Variants in ADAMTS1 observed in about 807,000 individuals in gnomAD.
ADAMTS1 encodes ADAM metallopeptidase with thrombospondin type 1 motif 1, also known as A disintegrin and metalloproteinase with thrombospondin motifs 1.
Under a neutral mutation model 87.9 loss-of-function variants are expected in ADAMTS1, and 19 were observed. The ratio of observed to expected loss-of-function variants is 0.22; its 90% CI spans 0.15 to 0.32. The LOEUF (loss-of-function observed/expected upper bound fraction) is 0.32. Ranked by LOEUF, ADAMTS1 falls within the 10% of genes least tolerant of loss-of-function variation. The probability of loss-of-function intolerance (pLI) is 1.00; values close to 1 mark genes in which losing one functional copy is unlikely to be tolerated. For synonymous variants in ADAMTS1, 542 were observed against 501.8 expected, an observed-to-expected ratio of 1.08 and a Z score of -1.07; for missense variants, 1,240 against 1,259.1, an observed-to-expected ratio of 0.98 and a Z score of 0.23.
At position 26,842,383 on chromosome 21, in the gene ADAMTS1, G is replaced by A. The variant is rs773057632; in HGVS notation, c.1033C>T (p.Arg345Trp). 38 of 1,613,970 alleles carry A rather than the reference G, an allele frequency of 2.4e-5. No homozygotes were observed. The East Asian group carries it at 6.5e-4, about 27-fold the overall frequency. Residue 345 changes from arginine to tryptophan, a missense_variant, in exon 2 of 9, where the codon CGG becomes TGG. Arg to Trp is a moderately radical substitution (Grantham distance 101, BLOSUM62 -3). Around this residue, in one of 3 missense-constraint regions of ADAMTS1, gnomAD observed 317 missense variants for 410.3 expected, o/e 0.77. Coordinates refer to ENST00000284984, the MANE Select transcript of ADAMTS1 (RefSeq NM_006988.5). ...GCTGTGTCATAGTGCTCTGCATCCC[G>A]GTCACTGGGTGGGTTGTGCTGCTTC... ...WQKQHNPPSD[R>W]DAEHYDTAIL...
Position 26,840,026 on chromosome 21 carries a change from A to G in ADAMTS1, c.1701T>C (p.Pro567=), listed in dbSNP as rs200740219. ...PFHGSWGMWG[P]WGDCSRTCGG... Reference sequence around the variant, plus strand: ...CGCACGTTCTCGAACAGTCTCCCCAAGGCCCCCACATTCCCCAGCTTCCAT... The same window carrying G: ...CGCACGTTCTCGAACAGTCTCCCCAGGGCCCCCACATTCCCCAGCTTCCAT... The change falls in exon 6 of 9, where the codon CCT becomes CCC. Residue 567 remains proline (P), a synonymous_variant. Coordinates refer to ENST00000284984, the MANE Select transcript of ADAMTS1 (RefSeq NM_006988.5). The G allele has an allele frequency of 1.6e-5, 26 of 1,613,840 alleles. No homozygotes were observed. In the East Asian group the frequency reaches 4.2e-4, roughly 26 times the overall value.
intron 2 of ADAMTS1, 97 bp downstream of exon 2, chr21:26,842,242 C>A: frequency 7.9e-7 from 1 of 1,264,432 alleles, no homozygotes; most frequent in African/African-American, 1.5e-5. Context: ...AAAAGGTTAA[C>A]TGCAAAAACA....
chr21:26,840,965 T>C, intron 4 of ADAMTS1, 33 bp downstream of exon 4: 2 of 1,590,448 alleles, frequency 1.3e-6, no homozygotes, highest in Non-Finnish European at 8.6e-7. Flanking sequence ...AAAGGTTGGA[T>C]GCCATCTAGA....
At chr21:26,843,991 A>G (rs1045673257) in intron 1 of ADAMTS1, among the ~76,000 whole-genome samples, 1 of 152,232 alleles carries the variant, frequency 6.6e-6, no homozygotes, top group Non-Finnish European at 1.5e-5. Context: ...AGTTTGCAGA[A>G]AATCGTTTGT....
In ADAMTS1 at chr21:26,839,906, G is replaced by T. The variant is rs1985455027; in HGVS notation, c.1821C>A (p.Ser607=). ...YCEGKRVRYR[S]CNLEDCPDNN... is the part of the protein sequence containing the mutation. ...TGTCTGGACAGTCCTCAAGGTTACA[G>T]GATCTGTAGCGCACTCGTTTGCCTT... The change falls in exon 6 of 9, where the codon TCC becomes TCA. Residue 607 remains serine (S), a synonymous_variant. Coordinates refer to ENST00000284984, the MANE Select transcript of ADAMTS1 (RefSeq NM_006988.5). 6.2e-7 allele frequency: 1 copy of T among 1,613,878 alleles called. No individual in the cohort carries two copies. Among genetic ancestry groups the T allele is most frequent in the Non-Finnish European group, 8.5e-7 (1 of 1,180,030 alleles).
At chr21:26,842,725 C>T in intron 1 of ADAMTS1, 40 bp from the exon 2 acceptor site, 1 of 1,553,664 alleles carries the variant, frequency 6.4e-7, no homozygotes, top group Non-Finnish European at 8.7e-7. Flanking sequence ...GTCAGGCTGT[C>T]CAAGAATAGT....
intron 1 of ADAMTS1, chr21:26,843,437 GC>G (rs1323009825): frequency 2.1e-6 from 1 of 467,396 alleles, no homozygotes; most frequent in Non-Finnish European, 4.4e-6. Flanking sequence ...AAAATGACAC[GC>G]GAGAGAGTTA....
Position 26,844,725 on chromosome 21 carries a change from C to A in ADAMTS1, c.230G>T (p.Arg77Leu). The change falls in exon 1 of 9, where the codon CGC (arginine) becomes CTC (leucine). Residue 77 changes from arginine (R) to leucine (L), a missense_variant. This residue lies in a region of ADAMTS1 where 521 missense variants were observed against 449.7 expected (regional missense o/e 1.16). Transcript: ENST00000284984. ...RAPGHGTTRL[R>L]LHAFDQQLDL... ...CAGCTGCTGGTCAAAGGCGTGCAGG[C>A]GGAGGCGCGTGGTCCCGTGTCCCGG... 1 of 1,578,482 alleles carries A rather than the reference C, an allele frequency of 6.3e-7. No homozygotes were observed. The highest frequency in any genetic ancestry group is 1.1e-5 in the South Asian group (1 of 87,048).
At position 26,844,338 on chromosome 21, in the gene ADAMTS1, CG is replaced by C; in HGVS notation, c.616del (p.Arg206GlyfsTer34). 6.2e-7 allele frequency: 1 copy of C among 1,605,330 alleles called. No homozygotes were observed. The highest frequency in any genetic ancestry group is 1.3e-5 in the African/African-American group (1 of 74,842). On this transcript the variant is annotated frameshift_variant, in exon 1 of 9. Coordinates refer to ENST00000284984, the MANE Select transcript of ADAMTS1 (RefSeq NM_006988.5). LOFTEE classifies it high-confidence loss of function. ...TTCGGTCTCCGCTTTCCCAGTCGGC[CG>C]GGGCTCGTCGTCCACGACCCCGCAC... ...GTCGVVDDEP[R>X]PTGKAETEDE...
intron 4 of ADAMTS1, 41 bp from the exon 5 acceptor site, chr21:26,840,603 G>A: frequency 1.3e-6 from 2 of 1,595,868 alleles, no homozygotes; most frequent in Admixed American, 3.4e-5. Context: ...CAGAGTTAGT[G>A]AGGGCATGAA....
In ADAMTS1 at chr21:26,836,417, A is replaced by G. The variant is rs530609474; in HGVS notation, c.*1162T>C. On this transcript the variant is annotated 3_prime_UTR_variant, in exon 9 of 9. Transcript: ENST00000284984. ...ATAAATGTATAAAAATAAATATGTT[A>G]TTATAGGCATTTATTACTAACTATA... 1.7e-4 allele frequency: 26 copies of G among 152,746 alleles called. No homozygotes were observed. Among genetic ancestry groups the G allele is most frequent in the Admixed American group, 3.9e-4 (6 of 15,300 alleles). 9.5% of individuals were successfully genotyped at this position (152,746 alleles called of 1,614,324 possible).
Position 26,841,023 on chromosome 21 carries a change from A to T in ADAMTS1, c.1353T>A (p.Ile451=). 1 of 1,614,212 alleles carries T rather than the reference A, an allele frequency of 6.2e-7. No individual in the cohort carries two copies. Among genetic ancestry groups the T allele is most frequent in the Non-Finnish European group, 8.5e-7 (1 of 1,180,024 alleles). Reference sequence around the variant, plus strand: ...CATGACCATTATCCAGAAATGATGTAATCATGTAGGCACTGCAAGGAGACC... The same window carrying T: ...CATGACCATTATCCAGAAATGATGTTATCATGTAGGCACTGCAAGGAGACC... The part of the protein sequence containing the change: ...QPWSPCSAYM[I]TSFLDNGHGE... Residue 451 remains isoleucine, a synonymous_variant, in exon 4 of 9, where the codon ATT becomes ATA. Coordinates refer to ENST00000284984, the MANE Select transcript of ADAMTS1 (RefSeq NM_006988.5).
chr21:26,836,116 A>ACAT lies in ADAMTS1; in HGVS notation c.*1460_*1462dup, dbSNP rs1312426486. ...CATGTATACCAAGGATATAAGAAAT[A>ACAT]CATCTCATTAGAAAAAAATCTTCTA... On this transcript the variant is annotated 3_prime_UTR_variant, in exon 9 of 9. Transcript: ENST00000284984. The ACAT allele has an allele frequency of 2.6e-5, 4 of 152,380 alleles. No homozygotes were observed. The highest frequency in any genetic ancestry group is 4.4e-5 in the Non-Finnish European group (3 of 68,040). 9.4% of individuals were successfully genotyped at this position (152,380 alleles called of 1,614,324 possible).
rs200896897 is a variant in ADAMTS1 at position 26,837,929 on chromosome 21, T to C, written c.2554A>G (p.Ile852Val). Residue 852 changes from isoleucine to valine, a missense_variant, in exon 9 of 9, where the codon ATC (isoleucine) becomes GTC (valine). By Grantham distance (29) the Ile-to-Val change is conservative (BLOSUM62 3). This residue lies in a region of ADAMTS1 where 402 missense variants were observed against 399.1 expected (regional missense o/e 1.01). Transcript: ENST00000284984. Reference sequence around the variant, plus strand: ...ATGACCCATGCTGAAAAAGTGGGGATAGCATTGAAAGATTCCTTCTTCTTC... The same window carrying C: ...ATGACCCATGCTGAAAAAGTGGGGACAGCATTGAAAGATTCCTTCTTCTTC... ...VKKKKESFNA[I>V]PTFSAWVIEE... The C allele has an allele frequency of 1.2e-6, 2 of 1,614,236 alleles. No individual in the cohort carries two copies. Among genetic ancestry groups the C allele is most frequent in the Non-Finnish European group, 1.7e-6 (2 of 1,180,034 alleles).
chr21:26,838,934 G>T (rs1985434808), intron 7 of ADAMTS1: 1 of 223,284 alleles, frequency 4.5e-6, no homozygotes, highest in African/African-American at 2.3e-5. Context: ...TTAGTATCTG[G>T]CAAGAGTAAG....
rs141975781 is a variant in ADAMTS1 at position 26,841,910 on chromosome 21, G to C, written c.1158C>G (p.Ser386=). The change falls in exon 3 of 9, where the codon TCC becomes TCG. Residue 386 remains serine (S), a synonymous_variant. Coordinates refer to ENST00000284984, the MANE Select transcript of ADAMTS1 (RefSeq NM_006988.5). ...GTVCDPSRSC[S]VIEDDGLQAA... ...CTTGTAAACCATCATCTTCTATGAC[G>C]GAGCAGCTTCTGCTCGGATCACACA... The C allele has an allele frequency of 6.2e-7, 1 of 1,613,936 alleles. No individual in the cohort carries two copies. Among genetic ancestry groups the C allele is most frequent in the South Asian group, 1.1e-5 (1 of 91,070 alleles).
At position 26,840,499 on chromosome 21, in the gene ADAMTS1, G is replaced by A. The variant is rs372312102; in HGVS notation, c.1442C>T (p.Ser481Leu). 3.2e-5 allele frequency: 52 copies of A among 1,614,110 alleles called. No individual in the cohort carries two copies. The highest frequency in any genetic ancestry group is 4.2e-5 in the Non-Finnish European group (49 of 1,180,058). The change falls in exon 5 of 9, where the codon TCG (serine) becomes TTG (leucine). Residue 481 changes from serine (S) to leucine (L), a missense_variant. Transcript: ENST00000284984. The stretch of plus-strand genomic sequence containing the variant: ...CTGGCACTGCCGGTTGGCATCGTAC[G>A]AGGTGCCAGGGAGATCGCCTGGGAG... The part of the protein sequence containing the change: ...IQLPGDLPGT[S>L]YDANRQCQFT...
chr21:26,838,375 T>A, intron 8 of ADAMTS1, 64 bp downstream of exon 8: 2 of 1,595,836 alleles, frequency 1.3e-6, no homozygotes, highest in Non-Finnish European at 1.7e-6. Flanking sequence ...CATATTTTTT[T>A]CCCAGACCTG....
intron 1 of ADAMTS1, chr21:26,843,704 C>A (rs145912852): frequency 2.0e-6 from 1 of 496,954 alleles, no homozygotes; most frequent in Non-Finnish European, 4.1e-6. Context: ...GGACAGAAGT[C>A]TGCAGAACAG....
Sources: allele counts gnomAD v4.1 joint callset (sites outside exome capture counted in the v4.1 genomes callset), GRCh38; gene constraint gnomAD v4.1.1; regional missense constraint gnomAD v4.1.1; transcripts MANE v1.5; gene names NCBI Gene and HGNC (gene_info 2026-07-23, HGNC 2026-07-21).